STARD9: variants seen among roughly 807,000 people sequenced by gnomAD.
The protein encoded by STARD9 is stAR-related lipid transfer protein 9.
Under a neutral mutation model 399.8 loss-of-function variants are expected in STARD9, and 346 were observed. The ratio of observed to expected loss-of-function variants is 0.87; its 90% CI spans 0.79 to 0.95. The LOEUF (loss-of-function observed/expected upper bound fraction) is 0.95. STARD9 is among the 40% of genes least tolerant of loss of function. STARD9 has a pLI of 0.00. For synonymous variants in STARD9, 2,203 were observed against 2,143.5 expected (o/e 1.03, Z -0.77); for missense variants, 5,832 against 5,667.5 (o/e 1.03, Z -0.93).
chr15:42,622,413 C>G (rs1002411982), intron 3 of STARD9, among the ~76,000 whole-genome samples: 1 of 151,898 alleles, frequency 6.6e-6, no homozygotes, highest in Non-Finnish European at 1.5e-5. Context: ...TGTTGCTTAC[C>G]CTGGAGCGCA....
At chr15:42,607,313 C>T (rs1595623323) in intron 3 of STARD9, among the ~76,000 whole-genome samples, 1 of 145,320 alleles carries the variant, frequency 6.9e-6, no homozygotes, top group African/African-American at 2.5e-5. Context: ...AGCAATTCTC[C>T]TGCCTCATTC....
intron 20 of STARD9, 29 bp from the exon 21 acceptor site, chr15:42,681,393 T>G: frequency 6.6e-7 from 1 of 1,525,958 alleles, no homozygotes. Context: ...GCATTTCCCC[T>G]TGGGTAACCT....
chr15:42,675,929 C>G lies in STARD9; in HGVS notation c.1828C>G (p.Leu610Val), dbSNP rs1041672923. 9 of 1,536,914 alleles carry G rather than the reference C, an allele frequency of 5.9e-6. No homozygotes were observed. Among genetic ancestry groups the G allele is most frequent in the Non-Finnish European group, 7.8e-6 (9 of 1,146,870 alleles). ...GGAGTGGCTGGATTTGGATGGAGATCTCGCTGCCTCCCGGCTGGGTCTCTC... is the reference window on the plus strand; with the variant it reads ...GGAGTGGCTGGATTTGGATGGAGATGTCGCTGCCTCCCGGCTGGGTCTCTC... ...SLEWLDLDGD[L>V]AASRLGLSPL... Residue 610 changes from leucine (L) to valine (V), a missense_variant, in exon 20 of 33, where the codon CTC becomes GTC. Around this residue, in one of 2 missense-constraint regions of STARD9, gnomAD observed 5,828 missense variants for 5,651.1 expected, o/e 1.03. Transcript: ENST00000290607.
Position 42,718,857 on chromosome 15 carries a change from C to G in STARD9, c.13948C>G (p.Gln4650Glu). ...GATCCTGCCCAGTGCCTGGATCTTG[C>G]AGCCCATCACTGTGGAAGGGAAGGA... The part of the protein sequence containing the change: ...GEILPSAWIL[Q>E]PITVEGKEVT... The change falls in exon 32 of 33, where the codon CAG (glutamine) becomes GAG (glutamate). Residue 4650 changes from glutamine to glutamate, a missense_variant. This residue lies in a region of STARD9 where 5,828 missense variants were observed against 5,651.1 expected (regional missense o/e 1.03). Transcript: ENST00000290607. 2 of 1,537,208 alleles carry G rather than the reference C, an allele frequency of 1.3e-6. No individual in the cohort carries two copies. Among genetic ancestry groups the G allele is most frequent in the Non-Finnish European group, 1.7e-6 (2 of 1,146,852 alleles).
intron 1 of STARD9, among the ~76,000 whole-genome samples, chr15:42,582,450 G>C (rs1363270192): frequency 6.6e-6 from 1 of 152,218 alleles, no homozygotes; most frequent in Non-Finnish European, 1.5e-5. Context: ...GCCCATTAAA[G>C]TGAGTGTAGA....
At chr15:42,609,378 G>C (rs1260154424) in intron 3 of STARD9, among the ~76,000 whole-genome samples, 1 of 151,972 alleles carries the variant, frequency 6.6e-6, no homozygotes, top group African/African-American at 2.4e-5. Context: ...AGACGGTATG[G>C]TCAAAAGATT....
At chr15:42,701,156 G>A (rs1201490897) in intron 26 of STARD9, among the ~76,000 whole-genome samples, 1 of 152,104 alleles carries the variant, frequency 6.6e-6, no homozygotes, top group Non-Finnish European at 1.5e-5. Flanking sequence ...GATTACTATA[G>A]CTTGGTAGTA....
chr15:42,708,679 C>G (rs922348894), intron 26 of STARD9, among the ~76,000 whole-genome samples: 1 of 145,960 alleles, frequency 6.9e-6, no homozygotes, highest in Non-Finnish European at 1.5e-5. Context: ...TGCTTTTTTT[C>G]TTTTTTTTTT....
intron 3 of STARD9, among the ~76,000 whole-genome samples, chr15:42,608,997 G>A (rs1161578308): frequency 6.6e-6 from 1 of 152,168 alleles, no homozygotes; most frequent in Non-Finnish European, 1.5e-5. Context: ...AGCCTTAGAT[G>A]TGTGAGATCC....
chr15:42,674,905 G>A lies in STARD9; in HGVS notation c.1628G>A (p.Arg543His), dbSNP rs1357475741. 3.3e-5 allele frequency: 51 copies of A among 1,537,048 alleles called. No homozygotes were observed. In the Admixed American group the frequency reaches 7.3e-4, roughly 22 times the overall value. Reference protein sequence around the residue: ...ACGVVVLRPARGARCTVNGRE... With the variant: ...ACGVVVLRPAHGARCTVNGRE... ...GGTGTAGTTGTTCTACGACCTGCCC[G>A]TGGGGCCCGCTGTACAGTCAATGGC... is the stretch of plus-strand genomic sequence containing the variant. Residue 543 changes from arginine (R) to histidine (H), a missense_variant, in exon 18 of 33, where the codon CGT becomes CAT. This residue lies in a region of STARD9 where 5,828 missense variants were observed against 5,651.1 expected (regional missense o/e 1.03). Transcript: ENST00000290607.
In STARD9 at chr15:42,718,808, C is replaced by G; in HGVS notation, c.13899C>G (p.Pro4633=). ...TGTATGATACATCCATGCCAAGACC[C>G]AGCAGAAAAATGGTTCGCGGGGAGA... ...QSVYDTSMPR[P]SRKMVRGEIL... is the part of the protein sequence containing the mutation. Residue 4633 remains proline (P), a synonymous_variant, in exon 32 of 33, where the codon CCC becomes CCG. Coordinates refer to ENST00000290607, the MANE Select transcript of STARD9 (RefSeq NM_020759.3). 6.5e-7 allele frequency: 1 copy of G among 1,537,258 alleles called. No individual in the cohort carries two copies. Among genetic ancestry groups the G allele is most frequent in the Non-Finnish European group, 8.7e-7 (1 of 1,146,908 alleles).
At position 42,716,741 on chromosome 15, in the gene STARD9, C is replaced by T; in HGVS notation, c.13349C>T (p.Ala4450Val). ...GGGGATGAGCGAGGAGGCCATTCTG[C>T]AGTGAGGAAGAACTCTGCCTACAGT... ...WIGDERGGHS[A>V]VRKNSAYSHR... Residue 4450 changes from alanine (A) to valine (V), a missense_variant, in exon 27 of 33, where the codon GCA becomes GTA. This residue lies in a region of STARD9 where 5,828 missense variants were observed against 5,651.1 expected (regional missense o/e 1.03). Transcript: ENST00000290607. 6.5e-7 allele frequency: 1 copy of T among 1,536,932 alleles called. No individual in the cohort carries two copies. Among genetic ancestry groups the T allele is most frequent in the Non-Finnish European group, 8.7e-7 (1 of 1,146,620 alleles).
chr15:42,653,787 A>T (rs1021933194), intron 9 of STARD9, among the ~76,000 whole-genome samples: 27 of 152,188 alleles, frequency 1.8e-4, no homozygotes, highest in African/African-American at 6.3e-4. Flanking sequence ...AATATCTGGG[A>T]ATGATAAATG....
rs1207008744 is a variant in STARD9, at chr15:42,691,928, G to A, written c.10350G>A (p.Trp3450Ter). Residue 3450 changes from tryptophan (W) to a stop codon, truncating the protein, a stop_gained, in exon 23 of 33, where the codon TGG (tryptophan) becomes TGA (stop). Coordinates refer to ENST00000290607, the MANE Select transcript of STARD9 (RefSeq NM_020759.3). LOFTEE classifies it high-confidence loss of function. ...KLGVQVRPEN[W>*]CSQMDKGMLH... ...GTGTCCAGGTTAGGCCAGAAAATTG[G>A]TGCTCTCAGATGGACAAAGGAATGC... 3.3e-6 allele frequency: 5 copies of A among 1,537,146 alleles called. No homozygotes were observed. The African/African-American group carries it at 4.1e-5, about 13-fold the overall frequency.
rs1311086127 is a variant in STARD9 at position 42,694,121 on chromosome 15, T to A, written c.12543T>A (p.Pro4181=). 6.5e-7 allele frequency: 1 copy of A among 1,536,768 alleles called. No homozygotes were observed. The highest frequency in any genetic ancestry group is 2.4e-5 in the East Asian group (1 of 40,896). ...AGCAGGAACAGAGTCCCCCACAACC[T>A]CCTAATGACCACAGCCAGGATTCTG... is the stretch of plus-strand genomic sequence containing the variant. The part of the protein sequence containing the change: ...SEKQEQSPPQ[P]PNDHSQDSEW... The change falls in exon 23 of 33, where the codon CCT becomes CCA. Residue 4181 remains proline, a synonymous_variant. Coordinates refer to ENST00000290607, the MANE Select transcript of STARD9 (RefSeq NM_020759.3).
chr15:42,690,402 C>T lies in STARD9; in HGVS notation c.8824C>T (p.Pro2942Ser). Residue 2942 changes from proline to serine, a missense_variant, in exon 23 of 33, where the codon CCG becomes TCG. Transcript: ENST00000290607. ...CCCTGAAGGCAGCAGGACTCTCAGC[C>T]CGTCTAGAGGGAAAGAGAGCAGAAC... Reference protein sequence around the residue: ...RNPEGSRTLSPSRGKESRTLP... With the variant: ...RNPEGSRTLSSSRGKESRTLP... The T allele has an allele frequency of 6.5e-7, 1 of 1,537,226 alleles. No homozygotes were observed. Among genetic ancestry groups the T allele is most frequent in the East Asian group, 2.4e-5 (1 of 40,924 alleles).
Position 42,626,445 on chromosome 15 carries a change from T to C in STARD9, c.235-8411T>C, listed in dbSNP as rs1018744820. On this transcript the variant is annotated intron_variant, in intron 3 of 32. Transcript: ENST00000290607. ...CTCCTCTTCTTCTTCTTCCTTCTCC[T>C]CCTCCTCTTCCTTCTCCTCTTCCTC... 5.2e-4 allele frequency among the ~76,000 whole-genome samples: 78 copies of C among 150,792 alleles called. 1 individual carries two copies. Among genetic ancestry groups the C allele is most frequent in the Non-Finnish European group, 9.0e-4 (61 of 67,654 alleles).
chr15:42,682,703 C>G (rs1284071708), intron 22 of STARD9, 128 bp downstream of exon 22: 6 of 755,650 alleles, frequency 7.9e-6, no homozygotes, highest in African/African-American at 3.5e-5. Context: ...GTATATTTCT[C>G]TCTTCCTCAT....
intron 7 of STARD9, among the ~76,000 whole-genome samples, chr15:42,644,491 T>TAA (rs767417951): frequency 4.9e-5 from 7 of 142,152 alleles, no homozygotes; most frequent in African/African-American, 1.8e-4. Context: ...AGACTCCGTC[T>TAA]AAAAAAAAAA....
Sources: allele counts gnomAD v4.1 joint callset (sites outside exome capture counted in the v4.1 genomes callset), GRCh38; gene constraint gnomAD v4.1.1; regional missense constraint gnomAD v4.1.1; transcripts MANE v1.5; gene names NCBI Gene and HGNC (gene_info 2026-07-23, HGNC 2026-07-21).